PCDH15: variants seen among roughly 807,000 people sequenced by gnomAD.
The protein encoded by PCDH15 is protocadherin-15.
A neutral mutation model predicts 178.5 loss-of-function variants in PCDH15; 129 were observed. The observed-to-expected ratio is 0.72, with a 90% CI of 0.63 to 0.84. The LOEUF is 0.84. PCDH15 is among the 40% of genes least tolerant of loss of function. The pLI is 0.00. For synonymous variants in PCDH15, 800 were observed against 732.0 expected (o/e 1.09, Z -1.50); for missense variants, 2,230 against 2,099.9 (o/e 1.06, Z -1.21).
At chr10:54,784,510 T>A (rs1385238301) in intron 1 of PCDH15, among the ~76,000 whole-genome samples, 3 of 152,038 alleles carry the variant, frequency 2.0e-5, no homozygotes, top group Non-Finnish European at 4.4e-5. Context: ...GCAAAGCTAC[T>A]GTTTAGCCAT....
chr10:55,524,745 A>T (rs1415360608), intron 2 of PCDH15, among the ~76,000 whole-genome samples: 3 of 151,214 alleles, frequency 2.0e-5, no homozygotes, highest in Non-Finnish European at 4.4e-5. Flanking sequence ...CTTATTTATT[A>T]TTCCCAAAGC....
intron 2 of PCDH15, among the ~76,000 whole-genome samples, chr10:55,164,970 T>G (rs1421746450): frequency 6.6e-6 from 1 of 152,114 alleles, no homozygotes; most frequent in East Asian, 1.9e-4. Context: ...GGTCTATAAT[T>G]ATCTATTTAT....
intron 20 of PCDH15, among the ~76,000 whole-genome samples, chr10:54,004,217 G>A (rs1020253810): frequency 2.6e-5 from 4 of 151,940 alleles, no homozygotes; most frequent in Non-Finnish European, 5.9e-5. Flanking sequence ...TTTCCTGTAC[G>A]ATCTGGGACA....
intron 2 of PCDH15, among the ~76,000 whole-genome samples, chr10:55,432,792 TATA>T (rs1565133323): frequency 6.6e-6 from 1 of 151,200 alleles, no homozygotes; most frequent in African/African-American, 2.4e-5. Flanking sequence ...TATATATATA[TATA>T]TTTTATTTTT....
At chr10:54,331,381 A>C (rs928845571) in intron 6 of PCDH15, among the ~76,000 whole-genome samples, 3 of 151,926 alleles carry the variant, frequency 2.0e-5, no homozygotes, top group Non-Finnish European at 4.4e-5. Context: ...TCCTCATGTA[A>C]TGGGCCTTGC....
intron 12 of PCDH15, 85 bp from the exon 13 acceptor site, chr10:54,183,678 C>T (rs966809952): frequency 1.3e-6 from 2 of 1,494,226 alleles, no homozygotes; most frequent in Non-Finnish European, 1.9e-6. Flanking sequence ...TAACAAGTTT[C>T]TTACAGGTAA....
At chr10:54,339,846 T>C (rs1415301507) in intron 6 of PCDH15, among the ~76,000 whole-genome samples, 1 of 152,164 alleles carries the variant, frequency 6.6e-6, no homozygotes, top group Non-Finnish European at 1.5e-5. Context: ...AACAATCGTA[T>C]TAGCGTGTTT....
intron 13 of PCDH15, among the ~76,000 whole-genome samples, chr10:54,162,261 T>G (rs536257232): frequency 1.3e-5 from 2 of 152,286 alleles, no homozygotes; most frequent in African/African-American, 4.8e-5. Flanking sequence ...TTTAAACCAC[T>G]GTATGTTCCT....
At chr10:55,169,749 T>C (rs1839281909) in intron 1 of PCDH15, among the ~76,000 whole-genome samples, 1 of 152,186 alleles carries the variant, frequency 6.6e-6, no homozygotes, top group Non-Finnish European at 1.5e-5. Context: ...AACTGCCAAT[T>C]ATCAGAGGTA....
At chr10:55,018,514 G>C (rs1840240965) in intron 2 of PCDH15, among the ~76,000 whole-genome samples, 1 of 151,662 alleles carries the variant, frequency 6.6e-6, no homozygotes, top group African/African-American at 2.4e-5. Context: ...TTGTTTTCAA[G>C]TATTTTCAAT....
At chr10:55,123,717 A>G (rs1384395673) in intron 2 of PCDH15, among the ~76,000 whole-genome samples, 1 of 152,176 alleles carries the variant, frequency 6.6e-6, no homozygotes, top group African/African-American at 2.4e-5. Flanking sequence ...CTCAAATCCC[A>G]TAGAAACACA....
At chr10:54,121,830 A>G (rs909361168) in intron 15 of PCDH15, among the ~76,000 whole-genome samples, 2 of 152,064 alleles carry the variant, frequency 1.3e-5, no homozygotes, top group African/African-American at 4.8e-5. Flanking sequence ...CAACCAAAAA[A>G]CAGTAATAAT....
At chr10:55,390,502 G>C (rs1457064825) in intron 2 of PCDH15, among the ~76,000 whole-genome samples, 2 of 152,160 alleles carry the variant, frequency 1.3e-5, no homozygotes, top group Non-Finnish European at 2.9e-5. Context: ...CAAAATTGGA[G>C]TCAAGTCTTC....
chr10:53,835,179 G>T (rs1900419), intron 29 of PCDH15, among the ~76,000 whole-genome samples: 60,531 of 151,888 alleles, frequency 0.4, 12,740 homozygotes, highest in East Asian at 0.75. Context: ...CATTGAAAGA[G>T]GCTTTATCAG....
At chr10:54,515,606 C>T (rs1245156711) in intron 3 of PCDH15, among the ~76,000 whole-genome samples, 1 of 152,204 alleles carries the variant, frequency 6.6e-6, no homozygotes, top group Non-Finnish European at 1.5e-5. Context: ...CTTAAACGTC[C>T]TTGTCTGACA....
chr10:55,314,165 A>G (rs994130020), intron 1 of PCDH15, among the ~76,000 whole-genome samples: 2 of 146,604 alleles, frequency 1.4e-5, no homozygotes, highest in African/African-American at 5.0e-5. Context: ...TATATAATAA[A>G]TTATAATTAT....
At chr10:55,530,635 A>AGAAG (rs1186643631) in intron 2 of PCDH15, among the ~76,000 whole-genome samples, 1 of 152,034 alleles carries the variant, frequency 6.6e-6, no homozygotes, top group Non-Finnish European at 1.5e-5. Context: ...TAAAGTTTAG[A>AGAAG]GAAGTGGGAA....
At chr10:54,573,625 C>G (rs79394397) in intron 2 of PCDH15, among the ~76,000 whole-genome samples, 1 of 152,250 alleles carries the variant, frequency 6.6e-6, no homozygotes, top group South Asian at 2.1e-4. Flanking sequence ...GAATACACTG[C>G]GAACAATTTT....
chr10:54,408,952 T>C (rs2135589703), intron 3 of PCDH15, among the ~76,000 whole-genome samples: 1 of 152,240 alleles, frequency 6.6e-6, no homozygotes, highest in South Asian at 2.1e-4. Flanking sequence ...TCTCAAATTG[T>C]AGCTCCCATA....
Sources: allele counts gnomAD v4.1 joint callset (sites outside exome capture counted in the v4.1 genomes callset), GRCh38; gene constraint gnomAD v4.1.1; transcripts MANE v1.5; gene names NCBI Gene and HGNC (gene_info 2026-07-23, HGNC 2026-07-21).